Variants in GNAO1 observed in about 807,000 individuals in gnomAD.
The protein encoded by GNAO1 is guanine nucleotide-binding protein G(o) subunit alpha.
For synonymous variants in GNAO1, 164 were observed against 180.7 expected (o/e 0.91, Z 0.74); for missense variants, 166 against 478.7 (o/e 0.35, Z 6.10).
chr16:56,300,026 TGTGTGTGTGTGC>T (rs1234034566), intron 3 of GNAO1, among the ~76,000 whole-genome samples: 1 of 132,552 alleles, frequency 7.5e-6, no homozygotes, highest in Non-Finnish European at 1.6e-5. Flanking sequence ...TGTGTGTGTG[TGTGTGTGTGTGC>T]GCGCGCGCGC....
chr16:56,233,589 G>A (rs1180206107), intron 2 of GNAO1, among the ~76,000 whole-genome samples: 1 of 152,200 alleles, frequency 6.6e-6, no homozygotes, highest in Non-Finnish European at 1.5e-5. Context: ...TTCCTGGAAG[G>A]TGGCAGTGTC....
At chr16:56,293,128 C>G (rs1280565661) in intron 3 of GNAO1, among the ~76,000 whole-genome samples, 1 of 152,240 alleles carries the variant, frequency 6.6e-6, no homozygotes, top group Non-Finnish European at 1.5e-5. Context: ...TCCCTGGTCA[C>G]ACCTAACTGC....
At chr16:56,279,594 A>G (rs543049129) in intron 3 of GNAO1, among the ~76,000 whole-genome samples, 2 of 152,294 alleles carry the variant, frequency 1.3e-5, no homozygotes, top group South Asian at 4.1e-4. Flanking sequence ...CATCTTGTCC[A>G]TGAAGCCTCC....
chr16:56,323,953 C>T (rs1198502918), intron 3 of GNAO1, among the ~76,000 whole-genome samples: 2 of 151,926 alleles, frequency 1.3e-5, no homozygotes, highest in African/African-American at 2.4e-5. Context: ...TCAGTGAAAT[C>T]AAGCAGGTCT....
chr16:56,248,218 T>C (rs2036767067), intron 2 of GNAO1, among the ~76,000 whole-genome samples: 1 of 152,234 alleles, frequency 6.6e-6, no homozygotes, highest in Non-Finnish European at 1.5e-5. Flanking sequence ...TGCAAAAACT[T>C]TCACCACTCT....
chr16:56,348,489 G>A (rs576847590), intron 6 of GNAO1, among the ~76,000 whole-genome samples: 1 of 152,278 alleles, frequency 6.6e-6, no homozygotes, highest in Non-Finnish European at 1.5e-5. Flanking sequence ...GGCCATGGTT[G>A]CGCTGGCACT....
At position 56,206,867 on chromosome 16, in the gene GNAO1, G is replaced by C. The variant is rs565030900; in HGVS notation, c.161+14251G>C. The stretch of plus-strand genomic sequence containing the variant: ...CCTTCAATGCTGTGCTTACAATTCA[G>C]CCTGTATTATTTGCTGATCCCAGTG... On this transcript the variant is annotated intron_variant, in intron 2 of 8. Transcript: ENST00000262493. 1.7e-4 allele frequency among the ~76,000 whole-genome samples: 26 copies of C among 152,290 alleles called. No individual in the cohort carries two copies. In the South Asian group the frequency reaches 5.4e-3, roughly 32 times the overall value.
intron 2 of GNAO1, among the ~76,000 whole-genome samples, chr16:56,267,896 C>T (rs1386933076): frequency 1.3e-5 from 2 of 151,974 alleles, no homozygotes; most frequent in African/African-American, 4.8e-5. Context: ...CCCTGCCCCC[C>T]ACCCCTACAG....
chr16:56,222,785 C>T (rs1401518930), intron 2 of GNAO1, among the ~76,000 whole-genome samples: 1 of 152,126 alleles, frequency 6.6e-6, no homozygotes, highest in East Asian at 1.9e-4. Context: ...TTTCCCTTGA[C>T]ACGTGGGAGA....
chr16:56,260,781 C>T (rs1430447777), intron 2 of GNAO1, among the ~76,000 whole-genome samples: 1 of 152,070 alleles, frequency 6.6e-6, no homozygotes, highest in Non-Finnish European at 1.5e-5. Flanking sequence ...GAGTGGGAAG[C>T]CTGGGAGCCG....
At chr16:56,285,812 A>G (rs1441221439) in intron 3 of GNAO1, among the ~76,000 whole-genome samples, 1 of 152,228 alleles carries the variant, frequency 6.6e-6, no homozygotes, top group African/African-American at 2.4e-5. Flanking sequence ...GTGGGACACA[A>G]GTCAGAGCCC....
rs777701744 is a variant in GNAO1, at chr16:56,354,839, TC to T, written c.878-23del. On this transcript the variant is annotated intron_variant, in intron 7 of 8. Coordinates refer to ENST00000262493, the MANE Select transcript of GNAO1 (RefSeq NM_020988.3). The surrounding 1 kb of genome is among the most constrained non-coding windows in gnomAD (Gnocchi z 4.3). ...CACCCACAGCGCTCATCAGGGCCTC[TC>T]CCCGTTCTTCTGTGTCTTGTTACAG... 2 of 1,512,760 alleles carry T rather than the reference TC, an allele frequency of 1.3e-6. No individual in the cohort carries two copies. Among genetic ancestry groups the T allele is most frequent in the South Asian group, 2.3e-5 (2 of 88,260 alleles). The allele number at this position is 1,512,760 out of a possible 1,614,324, so 93.7% of individuals were successfully genotyped here. A position where few individuals can be genotyped will look rare whatever the true frequency, so the allele number is the denominator to read the frequency against.
At chr16:56,297,105 C>T (rs1413960253) in intron 3 of GNAO1, among the ~76,000 whole-genome samples, 5 of 152,166 alleles carry the variant, frequency 3.3e-5, no homozygotes, top group African/African-American at 7.2e-5. Context: ...CTGAGAAAAC[C>T]GCCCTTTGGG....
chr16:56,265,934 C>T (rs1314842029), intron 2 of GNAO1, among the ~76,000 whole-genome samples: 2 of 152,138 alleles, frequency 1.3e-5, no homozygotes, highest in African/African-American at 4.8e-5. Context: ...GCTGGTTCCT[C>T]ATCATTAGAA....
In GNAO1 at chr16:56,244,380, A is replaced by AG. The variant is rs1567452596; in HGVS notation, c.162-31551_162-31550insG. Among the ~76,000 whole-genome samples, 10 of 150,998 alleles carry AG rather than the reference A, an allele frequency of 6.6e-5. 1 individual carries two copies. The highest frequency in any genetic ancestry group is 4.4e-5 in the Non-Finnish European group (3 of 67,796). On this transcript the variant is annotated intron_variant, in intron 2 of 8. Transcript: ENST00000262493. ...AACACTTAGCATAAAAAAAAAAAAAACCTAACATTATATTTGCATTCAGGC... is the reference window on the plus strand; with the variant it reads ...AACACTTAGCATAAAAAAAAAAAAAAGCCTAACATTATATTTGCATTCAGGC...
At chr16:56,203,872 A>C (rs1407355050) in intron 2 of GNAO1, among the ~76,000 whole-genome samples, 1 of 152,122 alleles carries the variant, frequency 6.6e-6, no homozygotes, top group East Asian at 1.9e-4. Context: ...GGTTTGTGGG[A>C]ATGTGAAGAG....
chr16:56,204,956 G>A (rs993021950), intron 2 of GNAO1, among the ~76,000 whole-genome samples: 3 of 152,062 alleles, frequency 2.0e-5, no homozygotes, highest in Middle Eastern at 3.2e-3. Context: ...TTTCTCTCCA[G>A]CAAAACAGAT....
Position 56,268,390 on chromosome 16 carries a change from C to T in GNAO1, c.162-7541C>T, listed in dbSNP as rs141980827. ...TTGAGAAGCTCTGGAAGGGAGGGAC[C>T]AGGCCTCATAGGCTTTAAGTCGGAA... On this transcript the variant is annotated intron_variant, in intron 2 of 8. Transcript: ENST00000262493. 1.3e-3 allele frequency among the ~76,000 whole-genome samples: 202 copies of T among 152,342 alleles called. No individual in the cohort carries two copies. The East Asian group carries it at 0.024, about 18-fold the overall frequency.
At chr16:56,325,986 C>T (rs1349935139) in intron 3 of GNAO1, among the ~76,000 whole-genome samples, 1 of 152,164 alleles carries the variant, frequency 6.6e-6, no homozygotes, top group Non-Finnish European at 1.5e-5. Context: ...AGCATGGTCA[C>T]ATGCTCACCA....
Sources: gnomAD v4.1 joint callset for allele counts (sites outside exome capture counted in the v4.1 genomes callset) on GRCh38, gnomAD v4.1.1 for gene constraint, Gnocchi (gnomAD v3.1) non-coding constraint, MANE v1.5 for transcripts, NCBI Gene and HGNC (gene_info 2026-07-23, HGNC 2026-07-21) for gene names.